EEF1E1: variants seen among roughly 807,000 people sequenced by gnomAD.
EEF1E1 encodes the protein eukaryotic translation elongation factor 1 epsilon 1, also known as eukaryotic translation elongation factor 1 epsilon-1.
In EEF1E1, 19 loss-of-function variants were observed where a neutral mutation model predicts 19.9. The observed-to-expected ratio is 0.95, with a 90% CI of 0.66 to 1.40. The LOEUF is 1.40. Among genes scored for constraint, EEF1E1 ranks in the 40% most tolerant of loss-of-function variants. The pLI, the probability that EEF1E1 is intolerant of heterozygous loss-of-function variation, is 0.00. For synonymous variants in EEF1E1, 81 were observed against 80.0 expected (o/e 1.01, Z -0.07); for missense variants, 198 against 202.2 (o/e 0.98, Z 0.13).
chr6:8,078,823 C>A, downstream of EEF1E1: 1 of 1,166,530 alleles, frequency 8.6e-7, no homozygotes, highest in East Asian at 7.3e-5. Context: ...CTACTTTAAT[C>A]CTAATTTAGC....
At chr6:8,089,739 A>G (rs1451649589) in intron 3 of EEF1E1, among the ~76,000 whole-genome samples, 1 of 152,194 alleles carries the variant, frequency 6.6e-6, no homozygotes, top group Non-Finnish European at 1.5e-5. Flanking sequence ...AACCATCACA[A>G]GTGGTTACAC....
At chr6:8,084,540 T>C (rs903374018) in intron 3 of EEF1E1, among the ~76,000 whole-genome samples, 17 of 152,220 alleles carry the variant, frequency 1.1e-4, no homozygotes, top group Admixed American at 2.0e-4. Context: ...TTTAATTAGA[T>C]GTAGAAATAC....
downstream of EEF1E1, among the ~76,000 whole-genome samples, chr6:8,077,598 T>C (rs1246527401): frequency 6.6e-6 from 1 of 152,274 alleles, no homozygotes; most frequent in South Asian, 2.1e-4. Flanking sequence ...CTGGCTTGGT[T>C]TCAAACCTTT....
intron 3 of EEF1E1, among the ~76,000 whole-genome samples, chr6:8,086,190 G>A (rs980035676): frequency 6.6e-6 from 1 of 152,096 alleles, no homozygotes; most frequent in African/African-American, 2.4e-5. Context: ...ACTAATAACT[G>A]TATCCTGCAT....
chr6:8,084,557 T>G (rs1054962192), intron 3 of EEF1E1, among the ~76,000 whole-genome samples: 1 of 152,204 alleles, frequency 6.6e-6, no homozygotes, highest in Non-Finnish European at 1.5e-5. Flanking sequence ...ATACTCTCCT[T>G]CTTAATGACA....
At chr6:8,077,220 A>G (rs151305722), downstream of EEF1E1, among the ~76,000 whole-genome samples, 867 of 152,270 alleles carry the variant, frequency 5.7e-3, 25 homozygotes, top group East Asian at 0.065. Flanking sequence ...TGGGATTACA[A>G]GCATGAGTCA....
At chr6:8,099,824 A>G (rs1471910762) in intron 1 of EEF1E1, among the ~76,000 whole-genome samples, 1 of 151,332 alleles carries the variant, frequency 6.6e-6, no homozygotes, top group Non-Finnish European at 1.5e-5. Context: ...TAATGTTCAC[A>G]CATGATGAAA....
intron 1 of EEF1E1, chr6:8,102,017 G>A (rs1758379706): frequency 1.7e-6 from 2 of 1,202,456 alleles, no homozygotes; most frequent in Non-Finnish European, 2.1e-6. Flanking sequence ...GACCCAGCAC[G>A]GTGCTACCTG....
intron 3 of EEF1E1, among the ~76,000 whole-genome samples, chr6:8,082,385 C>G (rs927263881): frequency 6.6e-6 from 1 of 152,200 alleles, no homozygotes; most frequent in Non-Finnish European, 1.5e-5. Context: ...TCAAGCGATT[C>G]TCCTGCCTCA....
At chr6:8,099,771 C>A (rs1422351519) in intron 1 of EEF1E1, among the ~76,000 whole-genome samples, 2 of 121,018 alleles carry the variant, frequency 1.7e-5, no homozygotes, top group African/African-American at 3.5e-5. Flanking sequence ...CACACACACA[C>A]ACACACACAC....
downstream of EEF1E1, among the ~76,000 whole-genome samples, chr6:8,079,028 TATTA>T (rs1437707731): frequency 6.6e-6 from 1 of 152,200 alleles, no homozygotes; most frequent in African/African-American, 2.4e-5. Context: ...CTATGATAAC[TATTA>T]TTTATTCAAC....
intron 2 of EEF1E1, among the ~76,000 whole-genome samples, chr6:8,094,205 G>T (rs1758102083): frequency 6.6e-6 from 1 of 152,202 alleles, no homozygotes; most frequent in Non-Finnish European, 1.5e-5. Flanking sequence ...ACTCTTATAT[G>T]CTATGATACT....
At chr6:8,084,879 T>C (rs59481046) in intron 3 of EEF1E1, among the ~76,000 whole-genome samples, 17,185 of 152,236 alleles carry the variant, frequency 0.11, 1,183 homozygotes, top group South Asian at 0.2. Context: ...AGGAGAGAGA[T>C]GCTTAGATAC....
At chr6:8,083,523 T>TGGTG (rs57714285) in intron 3 of EEF1E1, among the ~76,000 whole-genome samples, 28,215 of 152,010 alleles carry the variant, frequency 0.19, 2,812 homozygotes, top group Admixed American at 0.25. Context: ...AGTGAGTCAC[T>TGGTG]GGTGTTATAA....
At chr6:8,083,070 G>A (rs1484557358) in intron 3 of EEF1E1, among the ~76,000 whole-genome samples, 1 of 152,116 alleles carries the variant, frequency 6.6e-6, no homozygotes, top group Non-Finnish European at 1.5e-5. Flanking sequence ...TGTCTATAGT[G>A]GTGCTTGGCT....
At chr6:8,089,493 T>C (rs911938301) in intron 3 of EEF1E1, among the ~76,000 whole-genome samples, 6 of 152,174 alleles carry the variant, frequency 3.9e-5, no homozygotes, top group Admixed American at 1.3e-4. Flanking sequence ...GCAGAAAGCA[T>C]CCAGCACGGG....
intron 3 of EEF1E1, among the ~76,000 whole-genome samples, chr6:8,085,307 C>T (rs1215438478): frequency 6.7e-6 from 1 of 149,088 alleles, no homozygotes; most frequent in African/African-American, 2.5e-5. Flanking sequence ...AGCTACCACG[C>T]CTGGTTAATG....
rs1418061182 is a variant in EEF1E1 at position 8,079,971 on chromosome 6, G to A, written c.444C>T (p.His148=). The A allele has an allele frequency of 6.2e-7, 1 of 1,613,562 alleles. No individual in the cohort carries two copies. The highest frequency in any genetic ancestry group is 8.5e-7 in the Non-Finnish European group (1 of 1,179,942). ...KYLNVSRWFC[H]IQHYPGIRQH... ...GCCTGATGCCTGGATAATGCTGAATGTGACAAAACCAGCGAGACACATTAA... is the reference window on the plus strand; with the variant it reads ...GCCTGATGCCTGGATAATGCTGAATATGACAAAACCAGCGAGACACATTAA... Residue 148 remains histidine (H), a synonymous_variant, in exon 4 of 4, where the codon CAC becomes CAT. Coordinates refer to ENST00000379715, the MANE Select transcript of EEF1E1 (RefSeq NM_004280.5).
chr6:8,097,152 T>C (rs1758198543), intron 2 of EEF1E1, 115 bp downstream of exon 2: 2 of 1,011,452 alleles, frequency 2.0e-6, no homozygotes, highest in South Asian at 1.5e-5. Flanking sequence ...TGCAAACTAC[T>C]GAGGCAGAAG....
Sources: gnomAD v4.1 joint callset for allele counts (sites outside exome capture counted in the v4.1 genomes callset) on GRCh38, gnomAD v4.1.1 for gene constraint, MANE v1.5 for transcripts, NCBI Gene and HGNC (gene_info 2026-07-23, HGNC 2026-07-21) for gene names.